The following ATXN3 variants were observed in gnomAD, a reference collection of about 807,000 sequenced individuals.
The protein encoded by ATXN3 is ataxin 3.
Under a neutral mutation model 58.2 loss-of-function variants are expected in ATXN3, and 28 were observed. The observed-to-expected ratio is 0.48, with a 90% CI of 0.36 to 0.66. The LOEUF (loss-of-function observed/expected upper bound fraction) is 0.66, where lower values mean the gene tolerates loss of function less well. Ranked by LOEUF, ATXN3 falls within the 30% of genes least tolerant of loss-of-function variation. ATXN3 has a pLI of 0.00. For missense variants in ATXN3, 321 were observed against 422.1 expected, an observed-to-expected ratio of 0.76 and a Z score of 2.10; for synonymous variants, 113 against 138.5, an observed-to-expected ratio of 0.82 and a Z score of 1.29.
chr14:92,091,342 T>C (rs1278261786), intron 5 of ATXN3, among the ~76,000 whole-genome samples: 1 of 151,952 alleles, frequency 6.6e-6, no homozygotes, highest in Non-Finnish European at 1.5e-5. Flanking sequence ...ACACAGCTAT[T>C]TGGGAGGCTG....
chr14:92,083,008 T>C, intron 7 of ATXN3, 118 bp downstream of exon 7: 1 of 1,244,286 alleles, frequency 8.0e-7, no homozygotes, highest in Non-Finnish European at 1.1e-6. Flanking sequence ...CACTAAAATA[T>C]AAGGTCCAAA....
intron 6 of ATXN3, among the ~76,000 whole-genome samples, chr14:92,087,175 G>A (rs2062778342): frequency 6.6e-6 from 1 of 152,062 alleles, no homozygotes; most frequent in East Asian, 1.9e-4. Context: ...ACTTCTTGGA[G>A]AGTGGTACAT....
At chr14:92,089,330 CTCTT>C (rs376513911) in intron 5 of ATXN3, among the ~76,000 whole-genome samples, 2 of 129,596 alleles carry the variant, frequency 1.5e-5, no homozygotes, top group East Asian at 2.3e-4. Context: ...CTGCTAAATA[CTCTT>C]TTTTTTTTTT....
downstream of ATXN3, among the ~76,000 whole-genome samples, chr14:92,057,226 G>A (rs2057477358): frequency 6.6e-6 from 1 of 152,184 alleles, no homozygotes; most frequent in Non-Finnish European, 1.5e-5. Context: ...GACCTTCCTG[G>A]CCAACATGGT....
intron 1 of ATXN3, among the ~76,000 whole-genome samples, chr14:92,102,226 G>A (rs904785388): frequency 7.3e-6 from 1 of 136,484 alleles, no homozygotes; most frequent in East Asian, 2.0e-4. Context: ...AGAAAAGAAA[G>A]AAGGAAGGAA....
intron 5 of ATXN3, among the ~76,000 whole-genome samples, chr14:92,091,911 T>A (rs906386101): frequency 8.6e-5 from 13 of 151,690 alleles, no homozygotes; most frequent in African/African-American, 2.9e-4. Context: ...CCCAGGCTGG[T>A]CCTGAACTCC....
intron 1 of ATXN3, among the ~76,000 whole-genome samples, chr14:92,101,128 TA>T (rs2066675350): frequency 6.6e-6 from 1 of 152,212 alleles, no homozygotes; most frequent in African/African-American, 2.4e-5. Flanking sequence ...GTACTTCTAA[TA>T]TGATTTAATG....
intron 6 of ATXN3, among the ~76,000 whole-genome samples, chr14:92,086,599 G>A (rs978081098): frequency 3.3e-5 from 5 of 151,232 alleles, no homozygotes; most frequent in Non-Finnish European, 7.4e-5. Flanking sequence ...CGGTCATGGT[G>A]GTGCACGCCT....
Position 92,060,271 on chromosome 14 carries a change from T to TATATATATACACACACACATA in ATXN3, c.*4048_*4049insTATGTGTGTGTGTATATATAT. 1.2e-5 allele frequency: 1 copy of TATATATATACACACACACATA among 86,558 alleles called. No homozygotes were observed. Among genetic ancestry groups the TATATATATACACACACACATA allele is most frequent in the African/African-American group, 5.0e-5 (1 of 20,022 alleles). 5.4% of individuals were successfully genotyped at this position (86,558 alleles called of 1,614,324 possible). A position where few individuals can be genotyped will look rare whatever the true frequency, so the allele number is the denominator to read the frequency against. ...ACACATATATATATATATATATATA[T>TATATATATACACACACACATA]TTTTTTTTTTCAGAAACAGTGTCTC... On this transcript the variant is annotated 3_prime_UTR_variant, in exon 11 of 11. Transcript: ENST00000644486.
chr14:92,047,273 G>C (rs1219486246), intron 2 of ATXN3, among the ~76,000 whole-genome samples: 8 of 152,260 alleles, frequency 5.3e-5, no homozygotes, highest in African/African-American at 1.9e-4. Flanking sequence ...CCACAGGGTG[G>C]ATAGGCAAAA....
At chr14:92,051,711 T>G (rs1222784597), upstream of ATXN3, among the ~76,000 whole-genome samples, 4 of 136,188 alleles carry the variant, frequency 2.9e-5, no homozygotes, top group African/African-American at 1.1e-4. Flanking sequence ...TTTTCTTCTT[T>G]TCCTTTCTTT....
chr14:92,081,434 C>T (rs75456243), intron 8 of ATXN3, among the ~76,000 whole-genome samples: 3 of 135,304 alleles, frequency 2.2e-5, no homozygotes, highest in East Asian at 4.3e-4. Context: ...GATCACTGCA[C>T]TCCAGGCTGG....
chr14:92,083,369 C>G, intron 6 of ATXN3, 111 bp from the exon 7 acceptor site: 1 of 1,070,532 alleles, frequency 9.3e-7, no homozygotes, highest in Non-Finnish European at 1.3e-6. Context: ...AAAATACAAG[C>G]TGAGGATTCA....
At chr14:92,082,508 T>C (rs1462704055) in intron 7 of ATXN3, 42 bp from the exon 8 acceptor site, 2 of 1,540,786 alleles carry the variant, frequency 1.3e-6, no homozygotes, top group South Asian at 1.2e-5. Flanking sequence ...ACCAATCTTC[T>C]ATTTTAGACA....
At chr14:92,069,976 G>A (rs934666431) in intron 10 of ATXN3, among the ~76,000 whole-genome samples, 1 of 152,144 alleles carries the variant, frequency 6.6e-6, no homozygotes, top group Non-Finnish European at 1.5e-5. Context: ...GTGATGCTGA[G>A]AGTCTTTTCA....
chr14:92,106,377 G>A (rs960889320), intron 1 of ATXN3, 152 bp downstream of exon 1: 5 of 962,522 alleles, frequency 5.2e-6, no homozygotes, highest in East Asian at 2.7e-5. Flanking sequence ...TCCTCGAGCC[G>A]AGGAGGCGGG....
chr14:92,084,344 A>G (rs888797359), intron 6 of ATXN3, among the ~76,000 whole-genome samples: 62 of 152,196 alleles, frequency 4.1e-4, no homozygotes, highest in African/African-American at 1.3e-3. Flanking sequence ...TGACCCACAC[A>G]TGTACACCCC....
chr14:92,071,066 A>G lies in ATXN3; in HGVS notation c.873-13T>C. 9.2e-7 allele frequency: 1 copy of G among 1,087,636 alleles called. No homozygotes were observed. The highest frequency in any genetic ancestry group is 1.1e-6 in the Non-Finnish European group (1 of 876,456). The allele number at this position is 1,087,636 out of a possible 1,614,324, so 67.4% of individuals were successfully genotyped here. On this transcript the variant is annotated splice_polypyrimidine_tract_variant and intron_variant, in intron 9 of 10. Coordinates refer to ENST00000644486, the MANE Select transcript of ATXN3 (RefSeq NM_004993.6). ...CTTTTGCTGCTGTCTGAAACATTCA[A>G]AAGTGAAGTATATTTAAAAAACAAA...
intron 6 of ATXN3, among the ~76,000 whole-genome samples, chr14:92,086,715 T>C (rs1319037337): frequency 6.7e-6 from 1 of 148,988 alleles, no homozygotes; most frequent in African/African-American, 2.5e-5. Context: ...AAGGAAAAAA[T>C]AAAAATGGGG....
Sources: allele counts gnomAD v4.1 joint callset (sites outside exome capture counted in the v4.1 genomes callset), GRCh38; gene constraint gnomAD v4.1.1; transcripts MANE v1.5; gene names NCBI Gene and HGNC (gene_info 2026-07-23, HGNC 2026-07-21).